Variants in SCFD2 observed in about 807,000 individuals in gnomAD.
SCFD2 encodes sec1 family domain-containing protein 2.
SCFD2 carries 54 observed loss-of-function variants against 58.9 expected under a neutral mutation model. The observed-to-expected ratio is 0.92, with a 90% CI of 0.74 to 1.15. The LOEUF is 1.15. Ranked by LOEUF, SCFD2 falls within the 50% of genes most tolerant of loss-of-function variation. SCFD2 has a pLI of 0.00. For missense variants in SCFD2, 805 were observed against 836.6 expected, an observed-to-expected ratio of 0.96 and a Z score of 0.47; for synonymous variants, 321 against 335.9, an observed-to-expected ratio of 0.96 and a Z score of 0.49.
chr4:53,101,122 A>T (rs1724822243), intron 5 of SCFD2, among the ~76,000 whole-genome samples: 1 of 152,158 alleles, frequency 6.6e-6, no homozygotes, highest in African/African-American at 2.4e-5. Context: ...ATGGTAAAAT[A>T]CTTAAACACA....
chr4:53,021,456 G>C (rs1722347827), intron 5 of SCFD2, among the ~76,000 whole-genome samples: 1 of 152,016 alleles, frequency 6.6e-6, no homozygotes, highest in African/African-American at 2.4e-5. Context: ...TTCTAAACTT[G>C]CAAATCATTT....
chr4:53,227,185 C>A (rs1162210870), intron 4 of SCFD2, among the ~76,000 whole-genome samples: 1 of 152,050 alleles, frequency 6.6e-6, no homozygotes, highest in Non-Finnish European at 1.5e-5. Flanking sequence ...TATCACCACT[C>A]TACAATTTTC....
At chr4:53,140,339 T>C (rs1003893866) in intron 5 of SCFD2, among the ~76,000 whole-genome samples, 7 of 133,314 alleles carry the variant, frequency 5.3e-5, no homozygotes, top group African/African-American at 2.0e-4. Flanking sequence ...GTTATTGTGA[T>C]TGAGTCCAAA....
chr4:53,013,501 TTCC>T (rs1464422533), intron 5 of SCFD2, among the ~76,000 whole-genome samples: 4 of 152,258 alleles, frequency 2.6e-5, no homozygotes, highest in Non-Finnish European at 5.9e-5. Context: ...GTGGCTTTTT[TTCC>T]TCATTCATTC....
intron 5 of SCFD2, among the ~76,000 whole-genome samples, chr4:52,933,568 C>T (rs577242842): frequency 1.3e-5 from 2 of 152,228 alleles, no homozygotes; most frequent in South Asian, 2.1e-4. Flanking sequence ...GAGTGTAGCT[C>T]TTTCCTTCTG....
chr4:53,243,886 T>C (rs1220355087), intron 4 of SCFD2, among the ~76,000 whole-genome samples: 1 of 152,106 alleles, frequency 6.6e-6, no homozygotes, highest in Admixed American at 6.5e-5. Flanking sequence ...TGTTTGTTTT[T>C]GGTATTTTCT....
At chr4:53,285,261 A>T (rs566633141) in intron 3 of SCFD2, among the ~76,000 whole-genome samples, 20 of 152,076 alleles carry the variant, frequency 1.3e-4, no homozygotes, top group African/African-American at 4.1e-4. Context: ...ACATTTATAA[A>T]CTCAGCAGAT....
At chr4:53,074,311 T>C (rs1443822444) in intron 5 of SCFD2, among the ~76,000 whole-genome samples, 1 of 152,228 alleles carries the variant, frequency 6.6e-6, no homozygotes, top group Non-Finnish European at 1.5e-5. Context: ...ATTCTAGTTT[T>C]CTTGCTGTTT....
At chr4:53,106,362 G>A (rs1227017601) in intron 5 of SCFD2, among the ~76,000 whole-genome samples, 2 of 152,184 alleles carry the variant, frequency 1.3e-5, no homozygotes, top group African/African-American at 4.8e-5. Context: ...AAAATGGACG[G>A]AGTATGAGTT....
chr4:52,975,803 G>C (rs540170179), intron 5 of SCFD2, among the ~76,000 whole-genome samples: 1 of 152,210 alleles, frequency 6.6e-6, no homozygotes, highest in African/African-American at 2.4e-5. Flanking sequence ...ACTGTATTAA[G>C]AAAATGTGGC....
chr4:53,112,668 A>G (rs1035238261), intron 5 of SCFD2, among the ~76,000 whole-genome samples: 11 of 152,254 alleles, frequency 7.2e-5, no homozygotes, highest in Non-Finnish European at 1.2e-4. Context: ...GCCACTCAAT[A>G]GCTGAGCTCT....
chr4:53,136,776 G>A (rs1452652814), intron 5 of SCFD2, among the ~76,000 whole-genome samples: 1 of 152,182 alleles, frequency 6.6e-6, no homozygotes, highest in Admixed American at 6.5e-5. Flanking sequence ...TCCGAATCCT[G>A]TGCTCAGAGC....
At chr4:53,060,153 T>C (rs1723463152) in intron 5 of SCFD2, among the ~76,000 whole-genome samples, 1 of 152,034 alleles carries the variant, frequency 6.6e-6, no homozygotes, top group African/African-American at 2.4e-5. Context: ...GTAGAATGAA[T>C]AAAGGAGAGT....
chr4:53,360,394 A>G (rs1734517089), intron 1 of SCFD2, among the ~76,000 whole-genome samples: 1 of 152,266 alleles, frequency 6.6e-6, no homozygotes, highest in African/African-American at 2.4e-5. Flanking sequence ...TAATCCTTCT[A>G]AAAGTGAGCA....
chr4:52,989,098 A>G (rs1178015825), intron 5 of SCFD2, among the ~76,000 whole-genome samples: 1 of 152,236 alleles, frequency 6.6e-6, no homozygotes, highest in African/African-American at 2.4e-5. Context: ...AAGTTATAAC[A>G]TCAGGGAGTC....
intron 4 of SCFD2, among the ~76,000 whole-genome samples, chr4:53,212,860 T>A (rs536341378): frequency 6.6e-6 from 1 of 152,074 alleles, no homozygotes; most frequent in Non-Finnish European, 1.5e-5. Context: ...ACGGTTTTTT[T>A]TTTTAACCAG....
intron 4 of SCFD2, among the ~76,000 whole-genome samples, chr4:53,221,960 G>A (rs1729059441): frequency 6.6e-6 from 1 of 152,180 alleles, no homozygotes; most frequent in African/African-American, 2.4e-5. Flanking sequence ...TGTTAACTCT[G>A]TTCCTTGGTT....
chr4:53,138,367 C>T (rs909423308), intron 5 of SCFD2, among the ~76,000 whole-genome samples: 2 of 152,194 alleles, frequency 1.3e-5, no homozygotes, highest in Non-Finnish European at 1.5e-5. Flanking sequence ...TATATGATGA[C>T]ATTCCAAGTT....
chr4:53,211,271 G>A (rs1439067601), intron 4 of SCFD2, among the ~76,000 whole-genome samples: 3 of 149,386 alleles, frequency 2.0e-5, no homozygotes, highest in African/African-American at 4.9e-5. Flanking sequence ...AGAGAACTGT[G>A]TTCAGAGAGG....
Sources: gnomAD v4.1 joint callset for allele counts (sites outside exome capture counted in the v4.1 genomes callset) on GRCh38, gnomAD v4.1.1 for gene constraint, MANE v1.5 for transcripts, NCBI Gene and HGNC (gene_info 2026-07-23, HGNC 2026-07-21) for gene names.